The following OPRM1 variants were observed in gnomAD, a reference collection of about 807,000 sequenced individuals.
OPRM1 encodes the protein opioid receptor mu 1.
In OPRM1, 27 loss-of-function variants were observed where a neutral mutation model predicts 31.8. The ratio of observed to expected loss-of-function variants is 0.85; its 90% CI spans 0.63 to 1.17. OPRM1 has a LOEUF of 1.17. Ranked by LOEUF, OPRM1 falls within the 50% of genes most tolerant of loss-of-function variation. The pLI is 0.00. For missense variants in OPRM1, 536 were observed against 511.1 expected (o/e 1.05, Z -0.47); for synonymous variants, 196 against 189.9 (o/e 1.03, Z -0.26).
intron 3 of OPRM1, among the ~76,000 whole-genome samples, chr6:154,230,213 A>C (rs1779612340): frequency 1.3e-5 from 2 of 152,216 alleles, no homozygotes; most frequent in Admixed American, 1.3e-4. Flanking sequence ...TGATACATAA[A>C]ATGTACCTTA....
intron 3 of OPRM1, among the ~76,000 whole-genome samples, chr6:154,188,533 G>A (rs1316762656): frequency 6.6e-6 from 1 of 152,196 alleles, no homozygotes; most frequent in Admixed American, 6.5e-5. Context: ...ATTTCACTGG[G>A]TGATTCTAAA....
At chr6:154,182,876 A>G (rs1801012045) in intron 3 of OPRM1, among the ~76,000 whole-genome samples, 1 of 152,232 alleles carries the variant, frequency 6.6e-6, no homozygotes, top group Admixed American at 6.5e-5. Flanking sequence ...AGACTAGGGA[A>G]CACTTCAGGT....
intron 3 of OPRM1, among the ~76,000 whole-genome samples, chr6:154,145,836 C>A (rs183183445): frequency 8.4e-4 from 128 of 152,316 alleles, no homozygotes; most frequent in African/African-American, 3.0e-3. Flanking sequence ...CACATAAATA[C>A]ACCAAACTTA....
intron 1 of OPRM1, among the ~76,000 whole-genome samples, chr6:154,072,972 G>A (rs1460296924): frequency 4.6e-5 from 7 of 152,228 alleles, no homozygotes; most frequent in African/African-American, 1.7e-4. Context: ...AAGAAAGAGA[G>A]AAATGGAGAA....
intron 3 of OPRM1, among the ~76,000 whole-genome samples, chr6:154,174,478 C>T (rs1800138560): frequency 6.6e-6 from 1 of 151,956 alleles, no homozygotes; most frequent in Non-Finnish European, 1.5e-5. Context: ...GGAGGAAGAT[C>T]TATCAAGCAA....
At chr6:154,118,627 G>T in intron 3 of OPRM1, 56 bp from the exon 4 acceptor site, 1 of 1,551,196 alleles carries the variant, frequency 6.4e-7, no homozygotes. Context: ...CTCAACAAAT[G>T]TGTGTTGCAA....
intron 3 of OPRM1, chr6:154,107,483 T>C: frequency 1.4e-6 from 1 of 718,576 alleles, no homozygotes; most frequent in South Asian, 1.5e-5. Context: ...GAACCTGGAC[T>C]GTCACTGTGA....
At chr6:154,079,779 A>G (rs1788688036) in intron 1 of OPRM1, among the ~76,000 whole-genome samples, 1 of 152,156 alleles carries the variant, frequency 6.6e-6, no homozygotes, top group African/African-American at 2.4e-5. Context: ...GCATGACCGT[A>G]GCTCACTGCA....
intron 3 of OPRM1, among the ~76,000 whole-genome samples, chr6:154,118,177 G>T (rs572581052): frequency 2.6e-5 from 4 of 152,228 alleles, no homozygotes; most frequent in African/African-American, 9.6e-5. Context: ...TTACAGTGGG[G>T]ATCAGGTAGG....
chr6:154,081,323 G>T (rs1789079568), intron 1 of OPRM1, among the ~76,000 whole-genome samples: 1 of 152,152 alleles, frequency 6.6e-6, no homozygotes, highest in Non-Finnish European at 1.5e-5. Flanking sequence ...CTAACACAGG[G>T]AAACCCCGTC....
intron 3 of OPRM1, among the ~76,000 whole-genome samples, chr6:154,225,925 T>TA (rs1422030409): frequency 6.6e-6 from 1 of 152,198 alleles, no homozygotes; most frequent in Non-Finnish European, 1.5e-5. Flanking sequence ...AAATCCCATC[T>TA]ACTGTTTTTA....
At chr6:154,103,001 T>G (rs1431374711) in intron 3 of OPRM1, among the ~76,000 whole-genome samples, 1 of 151,046 alleles carries the variant, frequency 6.6e-6, no homozygotes, top group Non-Finnish European at 1.5e-5. Flanking sequence ...ACTTCAAGCT[T>G]CTTTTAGAAA....
At chr6:154,135,088 G>T (rs1315845804), downstream of OPRM1, among the ~76,000 whole-genome samples, 2 of 152,038 alleles carry the variant, frequency 1.3e-5, no homozygotes, top group African/African-American at 4.8e-5. Flanking sequence ...TTTCTTTTTT[G>T]CCATGTGTAC....
chr6:154,031,791 C>A (rs1779024385), intron 1 of OPRM1, among the ~76,000 whole-genome samples: 1 of 151,668 alleles, frequency 6.6e-6, no homozygotes, highest in Non-Finnish European at 1.5e-5. Context: ...CTACTGTGTG[C>A]TAGAGGAAAA....
chr6:154,071,588 C>G (rs573653017), intron 1 of OPRM1, among the ~76,000 whole-genome samples: 1 of 152,216 alleles, frequency 6.6e-6, no homozygotes, highest in African/African-American at 2.4e-5. Flanking sequence ...CTTGCTACAG[C>G]AAGGAATACA....
At chr6:154,112,355 CACAGCACAGTAA>C in intron 3 of OPRM1, among the ~76,000 whole-genome samples, 2 of 152,330 alleles carry the variant, frequency 1.3e-5, no homozygotes, top group South Asian at 4.1e-4. Context: ...ACTTATTACT[CACAGCACAGTAA>C]ACAGCACAAG....
At chr6:154,161,215 A>ATT (rs778278528) in intron 3 of OPRM1, among the ~76,000 whole-genome samples, 312 of 133,858 alleles carry the variant, frequency 2.3e-3, no homozygotes, top group Middle Eastern at 3.7e-3. Flanking sequence ...TTTTCTTTTC[A>ATT]TTTTTTTTTT....
intron 1 of OPRM1, among the ~76,000 whole-genome samples, chr6:154,059,862 G>A (rs114664140): frequency 0.02 from 3,020 of 152,228 alleles, 104 homozygotes; most frequent in African/African-American, 0.066. Flanking sequence ...GAGAGCTAAT[G>A]TTTCAAAGAA....
intron 1 of OPRM1, among the ~76,000 whole-genome samples, chr6:154,059,860 A>C (rs1784060196): frequency 6.6e-6 from 1 of 152,212 alleles, no homozygotes; most frequent in Admixed American, 6.5e-5. Flanking sequence ...CTGAGAGCTA[A>C]TGTTTCAAAG....
Sources: allele counts gnomAD v4.1 joint callset (sites outside exome capture counted in the v4.1 genomes callset), GRCh38; gene constraint gnomAD v4.1.1; transcripts MANE v1.5; gene names NCBI Gene and HGNC (gene_info 2026-07-23, HGNC 2026-07-21).